Variants in DYM observed in about 807,000 individuals in gnomAD.
The protein encoded by DYM is dymeclin.
DYM carries 78 observed loss-of-function variants against 93.1 expected under a neutral mutation model. That is an observed-to-expected ratio of 0.84 (90% CI 0.70 to 1.01). The LOEUF is 1.01. Among genes scored for constraint, DYM ranks in the 50% least tolerant of loss-of-function variants. DYM has a pLI of 0.00. For missense variants in DYM, 789 were observed against 845.0 expected (o/e 0.93, Z 0.82); for synonymous variants, 321 against 319.7 (o/e 1.00, Z -0.04).
intron 3 of DYM, among the ~76,000 whole-genome samples, chr18:49,384,322 CAAAAAAAAAAA>C (rs398032777): frequency 1.5e-5 from 1 of 65,842 alleles, no homozygotes; most frequent in Non-Finnish European, 2.7e-5. Context: ...ACCATGTCTC[CAAAAAAAAAAA>C]AAAAAAAAAA....
intron 10 of DYM, among the ~76,000 whole-genome samples, chr18:49,278,738 A>C (rs1010318496): frequency 1.3e-5 from 2 of 152,188 alleles, no homozygotes; most frequent in African/African-American, 4.8e-5. Context: ...ATAAGGCCAA[A>C]GCTATAAAAG....
intron 15 of DYM, among the ~76,000 whole-genome samples, chr18:49,161,328 G>A (rs976821447): frequency 2.0e-5 from 3 of 152,086 alleles, no homozygotes; most frequent in Non-Finnish European, 2.9e-5. Flanking sequence ...CAGTAAATAT[G>A]ACCTATTTCC....
intron 8 of DYM, among the ~76,000 whole-genome samples, chr18:49,294,524 G>T (rs2060396211): frequency 6.6e-6 from 1 of 151,984 alleles, no homozygotes; most frequent in Non-Finnish European, 1.5e-5. Flanking sequence ...GTTTTTTAAA[G>T]AAGTACTGAC....
At chr18:49,155,983 T>C (rs1470420397) in intron 15 of DYM, among the ~76,000 whole-genome samples, 1 of 152,248 alleles carries the variant, frequency 6.6e-6, no homozygotes, top group Non-Finnish European at 1.5e-5. Context: ...TGAACTAAAA[T>C]GGCTGCACCA....
intron 15 of DYM, among the ~76,000 whole-genome samples, chr18:49,119,883 T>A (rs1188818621): frequency 6.6e-6 from 1 of 150,706 alleles, no homozygotes. Flanking sequence ...AGCTCAGGAG[T>A]TCGAGACCAG....
chr18:49,237,482 TA>T (rs1280340543), intron 13 of DYM, among the ~76,000 whole-genome samples: 1 of 152,240 alleles, frequency 6.6e-6, no homozygotes, highest in Non-Finnish European at 1.5e-5. Context: ...ATTTAAGGAT[TA>T]CTTGGAAGCA....
chr18:49,289,163 T>G (rs2059857406), intron 8 of DYM, among the ~76,000 whole-genome samples: 1 of 152,082 alleles, frequency 6.6e-6, no homozygotes, highest in Non-Finnish European at 1.5e-5. Context: ...TTAAGTGTTC[T>G]TGGGACAGTG....
intron 14 of DYM, among the ~76,000 whole-genome samples, chr18:49,194,659 T>C (rs2091281219): frequency 8.4e-6 from 1 of 119,368 alleles, no homozygotes; most frequent in South Asian, 2.6e-4. Context: ...TGTGGCAGGC[T>C]AGTAATCTAA....
chr18:49,232,916 G>T (rs149806506), intron 13 of DYM, among the ~76,000 whole-genome samples: 2 of 151,916 alleles, frequency 1.3e-5, no homozygotes, highest in African/African-American at 4.8e-5. Flanking sequence ...GCCTGAAACG[G>T]AATTTCTTAT....
chr18:49,335,447 C>T (rs997895033), intron 6 of DYM, among the ~76,000 whole-genome samples: 1 of 152,122 alleles, frequency 6.6e-6, no homozygotes, highest in African/African-American at 2.4e-5. Context: ...CAGAGTGAGA[C>T]TCTTGTCTCA....
At chr18:49,295,758 T>TA (rs1235349173) in intron 8 of DYM, among the ~76,000 whole-genome samples, 1 of 152,090 alleles carries the variant, frequency 6.6e-6, no homozygotes, top group Admixed American at 6.5e-5. Context: ...TATTGCTTTT[T>TA]AAAAAAATTC....
chr18:49,135,526 C>T lies in DYM; in HGVS notation c.1729-16600G>A, dbSNP rs796873805. Among the ~76,000 whole-genome samples, 5 of 152,296 alleles carry T rather than the reference C, an allele frequency of 3.3e-5. 1 individual carries two copies. Among genetic ancestry groups the T allele is most frequent in the African/African-American group, 1.2e-4 (5 of 41,560 alleles). On this transcript the variant is annotated intron_variant, in intron 15 of 17. Coordinates refer to ENST00000675505, the MANE Select transcript of DYM (RefSeq NM_001353214.3). The stretch of plus-strand genomic sequence containing the variant: ...AACATGCAAAACACCTATCCCAATG[C>T]CTAATACAGAGGAGCAGCTCAAGAA...
intron 17 of DYM, among the ~76,000 whole-genome samples, chr18:49,045,855 A>G (rs972431616): frequency 3.3e-5 from 5 of 152,148 alleles, no homozygotes; most frequent in Non-Finnish European, 7.4e-5. Context: ...GGAGCTGCAC[A>G]TAAGGTCCCG....
intron 6 of DYM, among the ~76,000 whole-genome samples, chr18:49,337,222 TAAAGGG>T (rs2063737653): frequency 1.3e-5 from 2 of 152,172 alleles, no homozygotes; most frequent in Admixed American, 1.3e-4. Context: ...AACAAAAATG[TAAAGGG>T]AATTTCATGA....
At chr18:49,233,402 TG>T (rs1159995667) in intron 13 of DYM, among the ~76,000 whole-genome samples, 2 of 150,352 alleles carry the variant, frequency 1.3e-5, no homozygotes, top group Admixed American at 6.6e-5. Flanking sequence ...AACAGTCAGA[TG>T]AAAAAAAAAG....
intron 3 of DYM, among the ~76,000 whole-genome samples, chr18:49,383,030 C>T (rs1180717346): frequency 1.3e-4 from 20 of 152,054 alleles, no homozygotes; most frequent in Non-Finnish European, 2.9e-5. Context: ...GATGACCCCA[C>T]GCAAGGATAC....
intron 13 of DYM, among the ~76,000 whole-genome samples, chr18:49,251,093 GTA>G: frequency 6.6e-6 from 1 of 152,302 alleles, no homozygotes; most frequent in Non-Finnish European, 1.5e-5. Context: ...AAATCTCCAC[GTA>G]TTGTCAAATG....
chr18:49,340,361 A>G (rs1445842907), intron 6 of DYM, among the ~76,000 whole-genome samples: 3 of 152,376 alleles, frequency 2.0e-5, no homozygotes, highest in Non-Finnish European at 2.9e-5. Context: ...AATGAGTTCT[A>G]TAACACAATT....
intron 13 of DYM, among the ~76,000 whole-genome samples, chr18:49,230,422 C>T (rs2093660385): frequency 6.6e-6 from 1 of 152,246 alleles, no homozygotes; most frequent in South Asian, 2.1e-4. Flanking sequence ...CTTTCCCATG[C>T]TAGCATCCAA....
Sources: gnomAD v4.1 joint callset for allele counts (sites outside exome capture counted in the v4.1 genomes callset) on GRCh38, gnomAD v4.1.1 for gene constraint, MANE v1.5 for transcripts, NCBI Gene and HGNC (gene_info 2026-07-23, HGNC 2026-07-21) for gene names.